The following TMEM165 variants were observed in gnomAD, a reference collection of about 807,000 sequenced individuals.
TMEM165 encodes the protein putative divalent cation/proton antiporter TMEM165.
TMEM165 carries 19 observed loss-of-function variants against 30.0 expected under a neutral mutation model. The ratio of observed to expected loss-of-function variants is 0.63; its 90% confidence interval spans 0.44 to 0.93. TMEM165 has a LOEUF of 0.93. Ranked by LOEUF, TMEM165 falls within the 40% of genes least tolerant of loss-of-function variation. The pLI, the probability that TMEM165 is intolerant of heterozygous loss-of-function variation, is 0.00. For synonymous variants in TMEM165, 168 were observed against 162.9 expected (o/e 1.03, Z -0.24); for missense variants, 340 against 417.0 (o/e 0.82, Z 1.61).
At chr4:55,400,574 A>G in intron 1 of TMEM165, among the ~76,000 whole-genome samples, 1 of 148,394 alleles carries the variant, frequency 6.7e-6, no homozygotes, top group Admixed American at 6.7e-5. Context: ...CATAGCTGGG[A>G]CTACAGGCGC....
At chr4:55,425,018 C>A (rs966288169) in intron 5 of TMEM165, among the ~76,000 whole-genome samples, 1 of 152,182 alleles carries the variant, frequency 6.6e-6, no homozygotes, top group Admixed American at 6.5e-5. Context: ...ACAGTTAGGT[C>A]TAGAGATGGA....
chr4:55,444,738 T>C (rs765234776), intron 3 of TMEM165: 50 of 1,614,150 alleles, frequency 3.1e-5, no homozygotes, highest in Middle Eastern at 3.3e-4. Context: ...GTTGTTCCAA[T>C]TGGTCTTTCA....
intron 3 of TMEM165, chr4:55,435,621 T>C (rs748817825): frequency 1.9e-6 from 3 of 1,611,582 alleles, no homozygotes; most frequent in Non-Finnish European, 2.5e-6. Flanking sequence ...TTATGCAGCA[T>C]TGCTTTACTC....
chr4:55,430,689 A>C (rs1355928224), downstream of TMEM165: 1 of 152,186 alleles, frequency 6.6e-6, no homozygotes, highest in South Asian at 2.1e-4. Context: ...GGCACATTTA[A>C]AACACTCAGA....
intron 1 of TMEM165, among the ~76,000 whole-genome samples, chr4:55,404,765 A>G (rs1415100603): frequency 6.6e-6 from 1 of 152,224 alleles, no homozygotes; most frequent in Non-Finnish European, 1.5e-5. Flanking sequence ...GTAAGTTAGC[A>G]AATTGCTAAA....
At chr4:55,405,377 C>T (rs1017836733) in intron 1 of TMEM165, among the ~76,000 whole-genome samples, 3 of 152,114 alleles carry the variant, frequency 2.0e-5, no homozygotes, top group Admixed American at 1.3e-4. Flanking sequence ...ATTGAGGACA[C>T]GAAGGCTGTC....
chr4:55,408,250 T>C (rs1337283662), intron 1 of TMEM165, among the ~76,000 whole-genome samples: 1 of 152,240 alleles, frequency 6.6e-6, no homozygotes, highest in Non-Finnish European at 1.5e-5. Context: ...ACAAGCTTTA[T>C]GTTTATTTTT....
exon 4 of TMEM165, chr4:55,453,330 G>A: frequency 1.8e-6 from 1 of 554,046 alleles, no homozygotes; most frequent in Non-Finnish European, 3.2e-6. Context: ...ATACACTGCT[G>A]TAAACGATCC....
chr4:55,404,677 GTCC>G (rs1721201068), intron 1 of TMEM165, among the ~76,000 whole-genome samples: 1 of 150,558 alleles, frequency 6.6e-6, no homozygotes, highest in Non-Finnish European at 1.5e-5. Flanking sequence ...GCCTCAAGCA[GTCC>G]TCCTGCATCG....
At chr4:55,441,230 C>T (rs1217158194) in intron 3 of TMEM165, among the ~76,000 whole-genome samples, 1 of 152,170 alleles carries the variant, frequency 6.6e-6, no homozygotes, top group African/African-American at 2.4e-5. Context: ...TATCACCTTA[C>T]CCAGCCAGAC....
At chr4:55,405,414 T>G (rs1721228260) in intron 1 of TMEM165, among the ~76,000 whole-genome samples, 1 of 152,070 alleles carries the variant, frequency 6.6e-6, no homozygotes, top group Non-Finnish European at 1.5e-5. Flanking sequence ...ACCTTGAGGC[T>G]GTCCTAGGCT....
At chr4:55,397,631 CTTTCCTTTCCTCTCCTTTCTCCTT>C (rs1249784798) in intron 1 of TMEM165, among the ~76,000 whole-genome samples, 31 of 152,034 alleles carry the variant, frequency 2.0e-4, no homozygotes, top group African/African-American at 3.4e-4. Context: ...CTTTCCTTTC[CTTTCCTTTCCTCTCCTTTCTCCTT>C]TTTCCTTTCC....
intron 1 of TMEM165, 109 bp from the exon 2 acceptor site, chr4:55,411,505 T>A: frequency 1.1e-6 from 1 of 928,898 alleles, no homozygotes; most frequent in Non-Finnish European, 1.6e-6. Flanking sequence ...AGTAAATAAG[T>A]GTAATGACCA....
At chr4:55,413,562 G>A (rs974878977) in intron 2 of TMEM165, among the ~76,000 whole-genome samples, 8 of 152,192 alleles carry the variant, frequency 5.3e-5, no homozygotes, top group East Asian at 1.9e-4. Context: ...ATGATCGCCC[G>A]CCTTGGCCTC....
At chr4:55,430,027 G>A (rs1006292695), downstream of TMEM165, 9 of 152,088 alleles carry the variant, frequency 5.9e-5, no homozygotes, top group Non-Finnish European at 1.2e-4. Context: ...ACATGACACC[G>A]AAATCACTTT....
downstream of TMEM165, chr4:55,428,970 CAT>C (rs1722352294): frequency 7.1e-5 from 9 of 127,192 alleles, 1 homozygote; most frequent in South Asian, 2.8e-3. Flanking sequence ...CTGGCTGACA[CAT>C]CTTTTTTTTT....
Position 55,400,328 on chromosome 4 carries a change from T to G in TMEM165, c.207+3932T>G, listed in dbSNP as rs1720934487. On this transcript the variant is annotated intron_variant, in intron 1 of 5. Transcript: ENST00000381334. ...TATATAATATTAATACTGTATTATA[T>G]ATAATATAATATTAATTATATTATA... is the stretch of plus-strand genomic sequence containing the variant. Among the ~76,000 whole-genome samples, 19 of 77,650 alleles carry G rather than the reference T, an allele frequency of 2.4e-4. 2 individuals are homozygous for G. In the South Asian group the frequency reaches 8.7e-3, roughly 35 times the overall value. The allele number at this position is 77,650 out of a possible 152,430, so 50.9% of individuals were successfully genotyped here. A position where few individuals can be genotyped will look rare whatever the true frequency, so the allele number is the denominator to read the frequency against.
At chr4:55,418,383 C>T (rs1305976460) in intron 4 of TMEM165, among the ~76,000 whole-genome samples, 2 of 151,866 alleles carry the variant, frequency 1.3e-5, no homozygotes. Context: ...GCTAGCCGGG[C>T]TTGGTGGTAT....
rs771529260 is a variant in TMEM165, at chr4:55,443,781, G to A, written c.409-8458G>A. On this transcript the variant is annotated intron_variant, in intron 3 of 3. Transcript: ENST00000608091. ...CATTCCACTTTGAATCTGGTTAGTAGGAACAACTTGGCCTTGCATATTTAT... is the reference window on the plus strand; with the variant it reads ...CATTCCACTTTGAATCTGGTTAGTAAGAACAACTTGGCCTTGCATATTTAT... 4.3e-6 allele frequency: 7 copies of A among 1,614,026 alleles called. 1 individual carries two copies. In the South Asian group the frequency reaches 4.4e-5, roughly 10 times the overall value.
Sources: allele counts gnomAD v4.1 joint callset (sites outside exome capture counted in the v4.1 genomes callset), GRCh38; gene constraint gnomAD v4.1.1; transcripts MANE v1.5; gene names NCBI Gene and HGNC (gene_info 2026-07-23, HGNC 2026-07-21).